ANTXR1: variants seen among roughly 807,000 people sequenced by gnomAD.
The protein encoded by ANTXR1 is anthrax toxin receptor 1.
Under a neutral mutation model 78.1 loss-of-function variants are expected in ANTXR1, and 19 were observed. The observed-to-expected ratio is 0.24, with a 90% CI of 0.17 to 0.36. The LOEUF (loss-of-function observed/expected upper bound fraction) is 0.36, where lower values mean the gene tolerates loss of function less well. ANTXR1 is among the 10% of genes least tolerant of loss of function. The pLI is 1.00. For synonymous variants in ANTXR1, 273 were observed against 260.5 expected (o/e 1.05, Z -0.46); for missense variants, 518 against 718.6 (o/e 0.72, Z 3.19).
intron 12 of ANTXR1, chr2:69,145,302 A>G (rs375285836): frequency 5.5e-5 from 86 of 1,569,552 alleles, no homozygotes; most frequent in Non-Finnish European, 7.2e-5. Flanking sequence ...TTGCATTTGT[A>G]TTTTTATGTT....
chr2:69,202,096 C>T (rs1558642288), intron 17 of ANTXR1, among the ~76,000 whole-genome samples: 1 of 152,012 alleles, frequency 6.6e-6, no homozygotes. Context: ...GCAGTTGAGA[C>T]CAATGTGACT....
chr2:69,219,520 G>A (rs72903140), intron 17 of ANTXR1, among the ~76,000 whole-genome samples: 8,390 of 151,918 alleles, frequency 0.055, 590 homozygotes, highest in African/African-American at 0.16. Flanking sequence ...TATTGCTAAT[G>A]AGCCACAATA....
chr2:69,163,641 A>G (rs1221766281), intron 13 of ANTXR1, among the ~76,000 whole-genome samples: 1 of 152,228 alleles, frequency 6.6e-6, no homozygotes, highest in Non-Finnish European at 1.5e-5. Flanking sequence ...ACACGCTCCT[A>G]TTGACAGTGC....
intron 12 of ANTXR1, chr2:69,145,856 C>T (rs1016678103): frequency 9.1e-6 from 9 of 986,488 alleles, no homozygotes; most frequent in African/African-American, 7.0e-5. Flanking sequence ...ATTTCACTCC[C>T]GCCCCATGCC....
chr2:69,170,935 A>G (rs1216836885), intron 14 of ANTXR1, among the ~76,000 whole-genome samples: 1 of 152,238 alleles, frequency 6.6e-6, no homozygotes, highest in East Asian at 1.9e-4. Flanking sequence ...TGGAGGCATT[A>G]AAGGCTAATC....
At chr2:69,178,020 AC>A (rs1301257347) in intron 14 of ANTXR1, among the ~76,000 whole-genome samples, 1 of 152,134 alleles carries the variant, frequency 6.6e-6, no homozygotes, top group African/African-American at 2.4e-5. Flanking sequence ...GCCAGCTCAC[AC>A]TGAGGATTTC....
intron 17 of ANTXR1, among the ~76,000 whole-genome samples, chr2:69,233,176 T>C (rs1447499811): frequency 1.3e-5 from 2 of 152,120 alleles, no homozygotes; most frequent in African/African-American, 2.4e-5. Context: ...GAGAGAATTA[T>C]CTCATGCTTG....
chr2:69,155,612 A>C (rs1035612984), intron 13 of ANTXR1, among the ~76,000 whole-genome samples: 1 of 152,216 alleles, frequency 6.6e-6, no homozygotes, highest in Non-Finnish European at 1.5e-5. Context: ...TTTTAAAAAA[A>C]GTTGCAATGT....
chr2:69,095,003 T>C (rs950666915), intron 9 of ANTXR1, among the ~76,000 whole-genome samples: 2 of 152,174 alleles, frequency 1.3e-5, no homozygotes, highest in African/African-American at 4.8e-5. Context: ...TTAGGGTGCA[T>C]CAATAACCAT....
intron 12 of ANTXR1, among the ~76,000 whole-genome samples, chr2:69,132,465 GGT>G (rs1672779454): frequency 6.6e-6 from 1 of 152,214 alleles, no homozygotes; most frequent in African/African-American, 2.4e-5. Flanking sequence ...TGACTCTTTA[GGT>G]AAACAGACAG....
chr2:69,049,102 ACTG>A (rs2104108914), intron 3 of ANTXR1, among the ~76,000 whole-genome samples: 1 of 152,122 alleles, frequency 6.6e-6, no homozygotes, highest in South Asian at 2.1e-4. Flanking sequence ...TTCACTCTTG[ACTG>A]GTGAACCTAT....
rs1573960210 is a variant in ANTXR1 at position 69,182,350 on chromosome 2, T to C, written c.1186-143T>C. The stretch of plus-strand genomic sequence containing the variant: ...TCCCCTTTTCTCTTTTTCCACAGTT[T>C]CCCTCTTCCCTGGCCCTCAAAACCC... On this transcript the variant is annotated intron_variant, in intron 15 of 17. Transcript: ENST00000303714. The C allele has an allele frequency of 4.1e-6, 4 of 972,048 alleles. No individual in the cohort carries two copies. In the East Asian group the frequency reaches 1.0e-4, roughly 25 times the overall value. 60.2% of individuals were successfully genotyped at this position (972,048 alleles called of 1,614,324 possible). A position where few individuals can be genotyped will look rare whatever the true frequency, so the allele number is the denominator to read the frequency against.
At chr2:69,214,236 A>G (rs1675123888) in intron 17 of ANTXR1, among the ~76,000 whole-genome samples, 1 of 152,238 alleles carries the variant, frequency 6.6e-6, no homozygotes, top group Admixed American at 6.5e-5. Flanking sequence ...CTGGCCTGCA[A>G]GCTGTATCAC....
In ANTXR1 at chr2:69,124,975, G is replaced by A. The variant is rs1199043135; in HGVS notation, c.951+332G>A. Among the ~76,000 whole-genome samples the A allele has an allele frequency of 2.0e-5, 3 of 152,168 alleles. No homozygotes were observed. In the East Asian group the frequency reaches 5.8e-4, roughly 29 times the overall value. On this transcript the variant is annotated intron_variant, in intron 12 of 17. Transcript: ENST00000303714. ...AGTCCCAGATAGAGTGGGTTTAGGA[G>A]AGAATGGACGGAAGGGAATTGGACA...
chr2:69,126,952 C>G (rs934905506), intron 12 of ANTXR1, among the ~76,000 whole-genome samples: 1 of 152,124 alleles, frequency 6.6e-6, no homozygotes, highest in African/African-American at 2.4e-5. Flanking sequence ...TCGTTTACAA[C>G]AAAATTATAA....
At chr2:69,042,856 C>T (rs1003623598) in intron 2 of ANTXR1, among the ~76,000 whole-genome samples, 2 of 152,144 alleles carry the variant, frequency 1.3e-5, no homozygotes, top group Non-Finnish European at 2.9e-5. Context: ...TGGATCCAGA[C>T]TTATCCTTCC....
chr2:69,230,383 G>C (rs1323665196), intron 17 of ANTXR1, among the ~76,000 whole-genome samples: 1 of 151,770 alleles, frequency 6.6e-6, no homozygotes, highest in Non-Finnish European at 1.5e-5. Context: ...TTTACCACTT[G>C]GCCTTACAGT....
chr2:69,222,018 G>A (rs571666090), intron 17 of ANTXR1, among the ~76,000 whole-genome samples: 1 of 152,310 alleles, frequency 6.6e-6, no homozygotes, highest in African/African-American at 2.4e-5. Flanking sequence ...TTCAAAGCCT[G>A]AGTGAGGAGG....
chr2:69,027,640 A>ATG (rs1553430956), intron 1 of ANTXR1, among the ~76,000 whole-genome samples: 6,790 of 100,236 alleles, frequency 0.068, 320 homozygotes, highest in East Asian at 0.3. Context: ...GTGTGTGTGT[A>ATG]TGTGTGTGTG....
Sources: gnomAD v4.1 joint callset for allele counts (sites outside exome capture counted in the v4.1 genomes callset) on GRCh38, gnomAD v4.1.1 for gene constraint, MANE v1.5 for transcripts, NCBI Gene and HGNC (gene_info 2026-07-23, HGNC 2026-07-21) for gene names.